Variants in PSPC1 observed in about 807,000 individuals in gnomAD.
PSPC1 encodes paraspeckle component 1.
Under a neutral mutation model 51.6 loss-of-function variants are expected in PSPC1, and 14 were observed. The ratio of observed to expected loss-of-function variants is 0.27; its 90% confidence interval spans 0.18 to 0.42. The LOEUF (loss-of-function observed/expected upper bound fraction) is 0.42, where lower values mean the gene tolerates loss of function less well. Ranked by LOEUF, PSPC1 falls within the 10% of genes least tolerant of loss-of-function variation. PSPC1 has a pLI of 1.00. For missense variants in PSPC1, 406 were observed against 701.1 expected, an observed-to-expected ratio of 0.58 and a Z score of 4.75; for synonymous variants, 193 against 231.9, an observed-to-expected ratio of 0.83 and a Z score of 1.53.
chr13:19,777,056 C>T (rs984071006), intron 1 of PSPC1, among the ~76,000 whole-genome samples: 9 of 141,660 alleles, frequency 6.4e-5, no homozygotes, highest in African/African-American at 1.3e-4. Flanking sequence ...CCTGGGGAGG[C>T]AAGGCTGCAG....
Position 19,737,883 on chromosome 13 carries a change from T to C in PSPC1, c.1052+3682A>G, listed in dbSNP as rs935183576. On this transcript the variant is annotated intron_variant, in intron 5 of 8. Transcript: ENST00000338910. ...GAAAGATCACTTGAGGCCAGGAGTT[T>C]GATACCAGCCTAAGCAACATAGCAT... 3.9e-5 allele frequency among the ~76,000 whole-genome samples: 6 copies of C among 152,140 alleles called. No individual in the cohort carries two copies. The South Asian group carries it at 1.0e-3, about 26-fold the overall frequency.
rs747658545 is a variant in PSPC1, at chr13:19,730,280, T to A, written c.1117A>T (p.Arg373Trp). ...MIRHREQEEL[R>W]RQQEGFKPNY... ...GGCTTAAAGCCCTCTTGCTGTCGCC[T>A]CAGTTCCTCCTGTTCTCTGTGTCGG... The change falls in exon 6 of 9, where the codon AGG becomes TGG. Residue 373 changes from arginine to tryptophan, a missense_variant. By Grantham distance (101) the Arg-to-Trp change is moderately radical (BLOSUM62 -3). Coordinates refer to ENST00000338910, the MANE Select transcript of PSPC1 (RefSeq NM_001354909.2). 1.9e-6 allele frequency: 3 copies of A among 1,614,060 alleles called. No individual in the cohort carries two copies. The highest frequency in any genetic ancestry group is 2.5e-6 in the Non-Finnish European group (3 of 1,180,028).
At chr13:19,708,405 T>C (rs1454836609) in intron 7 of PSPC1, among the ~76,000 whole-genome samples, 6 of 152,256 alleles carry the variant, frequency 3.9e-5, no homozygotes, top group African/African-American at 1.4e-4. Context: ...GACAATTTAA[T>C]GTGGGACAGC....
At chr13:19,760,896 G>A (rs371805415) in intron 2 of PSPC1, among the ~76,000 whole-genome samples, 27 of 152,122 alleles carry the variant, frequency 1.8e-4, no homozygotes, top group South Asian at 1.5e-3. Context: ...GCTGAGGCAG[G>A]AGAATCGCTT....
intron 7 of PSPC1, chr13:19,675,621 ACG>A (rs1277975270): frequency 6.6e-6 from 1 of 152,220 alleles, no homozygotes; most frequent in Non-Finnish European, 1.5e-5. Flanking sequence ...CTCCTAGGTC[ACG>A]AACAGGATAT....
intron 1 of PSPC1, among the ~76,000 whole-genome samples, chr13:19,775,832 C>T (rs1566057918): frequency 1.3e-5 from 2 of 152,030 alleles, no homozygotes. Context: ...AGGAGAATCA[C>T]GAGGTCAGGA....
At chr13:19,745,954 T>C (rs1224067192) in intron 4 of PSPC1, among the ~76,000 whole-genome samples, 1 of 151,998 alleles carries the variant, frequency 6.6e-6, no homozygotes, top group Non-Finnish European at 1.5e-5. Flanking sequence ...GTGATGTTTA[T>C]CCTCTGTTGA....
intron 1 of PSPC1, among the ~76,000 whole-genome samples, chr13:19,776,118 A>G (rs1889095930): frequency 6.6e-6 from 1 of 152,146 alleles, no homozygotes; most frequent in African/African-American, 2.4e-5. Context: ...GATAATATGT[A>G]TATTTTGATA....
intron 6 of PSPC1, among the ~76,000 whole-genome samples, chr13:19,729,374 T>C (rs1883760037): frequency 6.6e-6 from 1 of 151,808 alleles, no homozygotes; most frequent in South Asian, 2.1e-4. Flanking sequence ...CCGTCTCTAC[T>C]AAAAATACAA....
Position 19,782,613 on chromosome 13 carries a change from C to CGGGCGG in PSPC1, c.139_144dup (p.Pro47_Pro48dup). On this transcript the variant is annotated inframe_insertion, in exon 1 of 9. Transcript: ENST00000338910. The surrounding 1 kb of genome is among the most constrained non-coding windows in gnomAD (Gnocchi z 4.5). ...GGGTGGTCCTCTGGAGGCGCGGGCG[C>CGGGCGG]GGGCGGTGCCGGCTCCCCGGCAAGA... 1 of 1,577,526 alleles carries CGGGCGG rather than the reference C, an allele frequency of 6.3e-7. No homozygotes were observed. The highest frequency in any genetic ancestry group is 8.6e-7 in the Non-Finnish European group (1 of 1,165,558).
intron 2 of PSPC1, among the ~76,000 whole-genome samples, chr13:19,762,083 A>G (rs1454618941): frequency 1.3e-5 from 2 of 152,244 alleles, no homozygotes; most frequent in African/African-American, 4.8e-5. Flanking sequence ...AACAAATTGT[A>G]AACTTTTCAC....
chr13:19,711,639 T>TTAA lies in PSPC1; in HGVS notation c.1159-2041_1159-2040insTTA, dbSNP rs1555232002. ...GGCAACAAAGAGAGACTCCGTCTCA[T>TTAA]AAAAAAAAAAAAAAAAAAAAAAGAA... On this transcript the variant is annotated intron_variant, in intron 6 of 8. Transcript: ENST00000338910. 3.7e-5 allele frequency among the ~76,000 whole-genome samples: 3 copies of TTAA among 80,944 alleles called. No individual in the cohort carries two copies. In the East Asian group the frequency reaches 1.1e-3, roughly 29 times the overall value. The allele number at this position is 80,944 out of a possible 152,430, so 53.1% of individuals were successfully genotyped here. A position where few individuals can be genotyped will look rare whatever the true frequency, so the allele number is the denominator to read the frequency against.
intron 2 of PSPC1, among the ~76,000 whole-genome samples, chr13:19,769,485 G>A (rs1035825291): frequency 9.2e-5 from 14 of 152,058 alleles, no homozygotes; most frequent in Admixed American, 7.9e-4. Flanking sequence ...CCCAGGAGGC[G>A]GAGCTTGAAG....
intron 2 of PSPC1, among the ~76,000 whole-genome samples, chr13:19,760,376 A>T (rs1471137362): frequency 6.6e-6 from 1 of 151,956 alleles, no homozygotes; most frequent in East Asian, 1.9e-4. Context: ...AAAACTACAA[A>T]ATTTAGCCAG....
chr13:19,740,828 G>A (rs1885364103), intron 5 of PSPC1, among the ~76,000 whole-genome samples: 1 of 151,554 alleles, frequency 6.6e-6, no homozygotes, highest in Non-Finnish European at 1.5e-5. Context: ...TATGTACTGA[G>A]ATTTTAAGTC....
chr13:19,671,419 T>C, downstream of PSPC1: 2 of 709,498 alleles, frequency 2.8e-6, no homozygotes, highest in African/African-American at 1.8e-5. Flanking sequence ...CCTGGGGTAG[T>C]GATGCTAGGT....
chr13:19,677,016 C>T (rs1876713102), intron 7 of PSPC1, among the ~76,000 whole-genome samples: 1 of 152,096 alleles, frequency 6.6e-6, no homozygotes, highest in South Asian at 2.1e-4. Context: ...GGGTGGATCA[C>T]AAAGTCAGGA....
chr13:19,715,943 G>C (rs1882039617), intron 6 of PSPC1, among the ~76,000 whole-genome samples: 1 of 152,114 alleles, frequency 6.6e-6, no homozygotes, highest in Non-Finnish European at 1.5e-5. Context: ...GAACCCGGGA[G>C]GCGGAGCTTG....
chr13:19,677,713 T>TA, intron 7 of PSPC1: 1 of 455,218 alleles, frequency 2.2e-6, no homozygotes, highest in South Asian at 1.6e-5. Context: ...AATGAGCAGA[T>TA]ACGGACTGAC....
Sources: allele counts gnomAD v4.1 joint callset (sites outside exome capture counted in the v4.1 genomes callset), GRCh38; gene constraint gnomAD v4.1.1; non-coding constraint Gnocchi (gnomAD v3.1); transcripts MANE v1.5; gene names NCBI Gene and HGNC (gene_info 2026-07-23, HGNC 2026-07-21).